RUNDC3A: variants seen among roughly 807,000 people sequenced by gnomAD.
RUNDC3A encodes the protein RUN domain-containing protein 3A.
Under a neutral mutation model 53.9 loss-of-function variants are expected in RUNDC3A, and 28 were observed. The ratio of observed to expected loss-of-function variants is 0.52; its 90% confidence interval spans 0.38 to 0.71. RUNDC3A has a LOEUF of 0.71. RUNDC3A is among the 30% of genes least tolerant of loss of function. RUNDC3A has a pLI of 0.00. For missense variants in RUNDC3A, 491 were observed against 597.3 expected (o/e 0.82, Z 1.85); for synonymous variants, 232 against 249.4 (o/e 0.93, Z 0.66).
intron 3 of RUNDC3A, 54 bp downstream of exon 3, chr17:44,313,306 C>A: frequency 6.2e-7 from 1 of 1,607,770 alleles, no homozygotes; most frequent in Non-Finnish European, 8.5e-7. Flanking sequence ...GGGGGCCTGC[C>A]TGTTTCTTGG....
Position 44,314,945 on chromosome 17 carries a change from G to C in RUNDC3A, c.565G>C (p.Glu189Gln). ...AIDFSFCLKG[E>Q]VLDGKTPVVI... ...CTGCCTCAGCTTCTGTCTAAAGGGGGAAGTCCTGGACGGGAAGACCCCCGT... is the reference window on the plus strand; with the variant it reads ...CTGCCTCAGCTTCTGTCTAAAGGGGCAAGTCCTGGACGGGAAGACCCCCGT... The change falls in exon 6 of 11, where the codon GAA becomes CAA. Residue 189 changes from glutamate to glutamine, a missense_variant. This residue lies in a region of RUNDC3A where 273 missense variants were observed against 389.0 expected (regional missense o/e 0.70). Transcript: ENST00000426726. 6.2e-7 allele frequency: 1 copy of C among 1,613,992 alleles called. No individual in the cohort carries two copies. Among genetic ancestry groups the C allele is most frequent in the Non-Finnish European group, 8.5e-7 (1 of 1,179,896 alleles).
chr17:44,316,444 C>T lies in RUNDC3A; in HGVS notation c.1013C>T (p.Thr338Ile), dbSNP rs758846620. 5.0e-6 allele frequency: 8 copies of T among 1,613,698 alleles called. No homozygotes were observed. The highest frequency in any genetic ancestry group is 4.5e-5 in the East Asian group (2 of 44,894). The part of the protein sequence containing the change: ...PLAQGSKELT[T>I]PLVNQWPSLG... ...GCCCAGGGTTCCAAGGAGCTCACTA[C>T]ACCCCTGGTCAATCAATGGCCCTCA... Residue 338 changes from threonine to isoleucine, a missense_variant, in exon 9 of 11, where the codon ACA becomes ATA. By Grantham distance (89) the Thr-to-Ile change is moderately conservative. Transcript: ENST00000426726.
intron 1 of RUNDC3A, among the ~76,000 whole-genome samples, chr17:44,312,198 C>T (rs2047760846): frequency 6.6e-6 from 1 of 151,768 alleles, no homozygotes; most frequent in South Asian, 2.1e-4. Flanking sequence ...AGGCCTCGCA[C>T]ACACAGACCC....
At chr17:44,310,710 G>A in intron 1 of RUNDC3A, 1 of 985,550 alleles carries the variant, frequency 1.0e-6, no homozygotes. Context: ...TCCTATCAGG[G>A]AGCACACCAC....
At chr17:44,311,455 C>A in intron 1 of RUNDC3A, 1 of 614,960 alleles carries the variant, frequency 1.6e-6, no homozygotes, top group Non-Finnish European at 2.0e-6. Flanking sequence ...AATTTCTTTA[C>A]CTGTAAAATG....
intron 1 of RUNDC3A, 71 bp from the exon 2 acceptor site, chr17:44,312,509 C>T: frequency 2.3e-6 from 2 of 857,386 alleles, no homozygotes; most frequent in Non-Finnish European, 3.8e-6. Context: ...CGGTTGCTCC[C>T]TGTCTCTCCC....
Position 44,309,556 on chromosome 17 carries a change from A to G in RUNDC3A, c.107+617A>G, listed in dbSNP as rs901483420. 2.0e-5 allele frequency among the ~76,000 whole-genome samples: 3 copies of G among 152,202 alleles called. No individual in the cohort carries two copies. The South Asian group carries it at 6.2e-4, about 32-fold the overall frequency. ...TGGTCTCTGAGGGTGGAACGGTTGC[A>G]GGGTTGGGAAGATTCTCCGTGATTG... is the stretch of plus-strand genomic sequence containing the variant. On this transcript the variant is annotated intron_variant, in intron 1 of 10. Coordinates refer to ENST00000426726, the MANE Select transcript of RUNDC3A (RefSeq NM_001144825.2).
chr17:44,317,902 A>C (rs957995918), intron 10 of RUNDC3A, 194 bp from the exon 11 acceptor site: 6 of 603,492 alleles, frequency 9.9e-6, no homozygotes, highest in Non-Finnish European at 1.8e-5. Flanking sequence ...TGACGATTAC[A>C]ATACAGTGTC....
chr17:44,315,665 G>A lies in RUNDC3A; in HGVS notation c.953+56G>A. 1 of 1,334,778 alleles carries A rather than the reference G, an allele frequency of 7.5e-7. No individual in the cohort carries two copies. The highest frequency in any genetic ancestry group is 9.7e-7 in the Non-Finnish European group (1 of 1,031,130). 82.7% of individuals were successfully genotyped at this position (1,334,778 alleles called of 1,614,324 possible). On this transcript the variant is annotated intron_variant, in intron 8 of 10. Coordinates refer to ENST00000426726, the MANE Select transcript of RUNDC3A (RefSeq NM_001144825.2). The surrounding 1 kb of genome is among the most constrained non-coding windows in gnomAD (Gnocchi z 6.1). Reference sequence around the variant, plus strand: ...CCCCGCCGCCCCGACCACATCACCGGGTGAACCCCATCTTCACTTCCATCG... The same window carrying A: ...CCCCGCCGCCCCGACCACATCACCGAGTGAACCCCATCTTCACTTCCATCG...
chr17:44,314,738 G>C lies in RUNDC3A; in HGVS notation c.462G>C (p.Arg154=). The C allele has an allele frequency of 6.2e-7, 1 of 1,608,184 alleles. No homozygotes were observed. Among genetic ancestry groups the C allele is most frequent in the Non-Finnish European group, 8.5e-7 (1 of 1,177,534 alleles). ...TALRDTRTTR[R]FYDSGAIMLR... ...CTGGCCCTCTGCCTCCCCACAGACG[G>C]TTCTATGACTCTGGAGCCATCATGC... The change falls in exon 5 of 11, where the codon CGG becomes CGC. Residue 154 remains arginine (R), a synonymous_variant. Transcript: ENST00000426726.
At chr17:44,316,581 C>T in intron 9 of RUNDC3A, 38 bp from the exon 10 acceptor site, 1 of 1,569,936 alleles carries the variant, frequency 6.4e-7, no homozygotes, top group South Asian at 1.2e-5. Context: ...GGAAGAAGGG[C>T]TTCCTCTACC....
intron 10 of RUNDC3A, 141 bp from the exon 11 acceptor site, chr17:44,317,955 T>C: frequency 1.2e-6 from 1 of 840,236 alleles, no homozygotes; most frequent in Non-Finnish European, 1.8e-6. Context: ...AACCAAAGTT[T>C]AACTGAAAAT....
intron 4 of RUNDC3A, 57 bp from the exon 5 acceptor site, chr17:44,314,673 CTGGGG>C: frequency 1.5e-5 from 9 of 601,138 alleles, no homozygotes; most frequent in Non-Finnish European, 2.0e-5. Flanking sequence ...AATAGCAGCT[CTGGGG>C]GGGGGGGGGG....
chr17:44,314,154 C>T (rs903296458), intron 4 of RUNDC3A: 49 of 992,540 alleles, frequency 4.9e-5, no homozygotes, highest in African/African-American at 1.4e-4. Context: ...CTCCAAACAA[C>T]GAAAGCAGTT....
At chr17:44,312,301 G>A (rs1370702971) in intron 1 of RUNDC3A, among the ~76,000 whole-genome samples, 1 of 151,914 alleles carries the variant, frequency 6.6e-6, no homozygotes, top group African/African-American at 2.4e-5. Flanking sequence ...CCTTGCTCCC[G>A]AAGCTTCCTT....
Position 44,314,809 on chromosome 17 carries a change from G to T in RUNDC3A, c.533G>T (p.Ser178Ile). 1 of 1,613,894 alleles carries T rather than the reference G, an allele frequency of 6.2e-7. No individual in the cohort carries two copies. The highest frequency in any genetic ancestry group is 8.5e-7 in the Non-Finnish European group (1 of 1,179,884). Residue 178 changes from serine (S) to isoleucine (I), a missense_variant, in exon 5 of 11, where the codon AGC becomes ATC. Coordinates refer to ENST00000426726, the MANE Select transcript of RUNDC3A (RefSeq NM_001144825.2). ...TILTGMLIGL[S>I]AIDFSFCLKG... ...CTCACCGGAATGCTGATCGGACTGA[G>T]CGCCATCGACTTCAGGTGGGGTCTG...
Position 44,312,559 on chromosome 17 carries a change from T to C in RUNDC3A, c.108-21T>C, listed in dbSNP as rs1323665899. On this transcript the variant is annotated intron_variant, in intron 1 of 10. Transcript: ENST00000426726. ...CCTCACCTGACACCCCACTGCCCCA[T>C]CTCCCCACCTCGCCGCCCAGGTTCT... The C allele has an allele frequency of 4.1e-6, 6 of 1,447,380 alleles. No individual in the cohort carries two copies. The South Asian group carries it at 6.1e-5, about 15-fold the overall frequency. 89.7% of individuals were successfully genotyped at this position (1,447,380 alleles called of 1,614,324 possible).
chr17:44,310,926 G>C (rs182505230), intron 1 of RUNDC3A: 1 of 985,442 alleles, frequency 1.0e-6, no homozygotes, highest in Non-Finnish European at 1.2e-6. Flanking sequence ...TCCCAGCCAC[G>C]ACCCCGCTCC....
Position 44,316,675 on chromosome 17 carries a change from C to T in RUNDC3A, c.1148C>T (p.Ser383Phe). 6.4e-7 allele frequency: 1 copy of T among 1,550,502 alleles called. No individual in the cohort carries two copies. Among genetic ancestry groups the T allele is most frequent in the South Asian group, 1.2e-5 (1 of 84,032 alleles). The change falls in exon 10 of 11, where the codon TCC becomes TTC. Residue 383 changes from serine (S) to phenylalanine (F), a missense_variant. Ser to Phe is a radical substitution (Grantham distance 155). Transcript: ENST00000426726. Reference protein sequence around the residue: ...LSAEASLSSDSQRLGEGTRDE... With the variant: ...LSAEASLSSDFQRLGEGTRDE... ...GCTGAAGCCAGTCTGAGCTCGGACT[C>T]CCAGCGCCTGGGAGAGGGCACGCGG...
Sources: allele counts gnomAD v4.1 joint callset (sites outside exome capture counted in the v4.1 genomes callset), GRCh38; gene constraint gnomAD v4.1.1; regional missense constraint gnomAD v4.1.1; non-coding constraint Gnocchi (gnomAD v3.1); transcripts MANE v1.5; gene names NCBI Gene and HGNC (gene_info 2026-07-23, HGNC 2026-07-21).